KIF18A: variants seen among roughly 807,000 people sequenced by gnomAD.
The protein encoded by KIF18A is kinesin family member 18A, also known as kinesin-like protein KIF18A.
KIF18A carries 67 observed loss-of-function variants against 103.3 expected under a neutral mutation model. The ratio of observed to expected loss-of-function variants is 0.65; its 90% CI spans 0.53 to 0.79. The LOEUF (loss-of-function observed/expected upper bound fraction) is 0.79. Ranked by LOEUF, KIF18A falls within the 30% of genes least tolerant of loss-of-function variation. KIF18A has a pLI of 0.00. For synonymous variants in KIF18A, 367 were observed against 355.5 expected (o/e 1.03, Z -0.36); for missense variants, 1,032 against 1,062.5 (o/e 0.97, Z 0.40).
chr11:28,084,656 G>C lies in KIF18A; in HGVS notation c.1050C>G (p.Asn350Lys). 1 of 1,611,428 alleles carries C rather than the reference G, an allele frequency of 6.2e-7. No individual in the cohort carries two copies. The highest frequency in any genetic ancestry group is 8.5e-7 in the Non-Finnish European group (1 of 1,178,068). Residue 350 changes from asparagine to lysine, a missense_variant, in exon 7 of 17, where the codon AAC becomes AAG. Transcript: ENST00000263181. ...CAGAAGATTTAATGTCCTTTGCCCG[G>C]TTAGCATACTTAAGAGTGTTATATG... ...DDTYNTLKYA[N>K]RAKDIKSSLK...
chr11:28,077,101 T>C lies in KIF18A; in HGVS notation c.1331A>G (p.Glu444Gly), dbSNP rs754913152. ...AAGTTCATTTTCTTTAAGTAACATT[T>C]CCAACTTCAGATATTCTTGTCTAAT... The part of the protein sequence containing the change: ...EEIRQEYLKL[E>G]MLLKENELKS... The change falls in exon 10 of 17, where the codon GAA becomes GGA. Residue 444 changes from glutamate (E) to glycine (G), a missense_variant. Coordinates refer to ENST00000263181, the MANE Select transcript of KIF18A (RefSeq NM_031217.4). 7 of 1,578,518 alleles carry C rather than the reference T, an allele frequency of 4.4e-6. No individual in the cohort carries two copies. Among genetic ancestry groups the C allele is most frequent in the Non-Finnish European group, 6.0e-6 (7 of 1,167,938 alleles).
Position 28,095,023 on chromosome 11 carries a change from C to G in KIF18A, c.326-223G>C, listed in dbSNP as rs1339164145. On this transcript the variant is annotated intron_variant, in intron 2 of 16. Coordinates refer to ENST00000263181, the MANE Select transcript of KIF18A (RefSeq NM_031217.4). ...AATGGTATCACTACCCCCGGCCCCC[C>G]ACTCTAACAACTACTCTTTCAAAGC... Among the ~76,000 whole-genome samples the G allele has an allele frequency of 2.6e-5, 4 of 152,158 alleles. No homozygotes were observed. In the East Asian group the frequency reaches 5.8e-4, roughly 22 times the overall value.
rs1219403594 is a variant in KIF18A at position 28,035,506 on chromosome 11, T to G, written c.2397-12A>C. 7.1e-7 allele frequency: 1 copy of G among 1,417,466 alleles called. No individual in the cohort carries two copies. The highest frequency in any genetic ancestry group is 9.6e-7 in the Non-Finnish European group (1 of 1,042,898). The allele number at this position is 1,417,466 out of a possible 1,614,324, so 87.8% of individuals were successfully genotyped here. A position where few individuals can be genotyped will look rare whatever the true frequency, so the allele number is the denominator to read the frequency against. On this transcript the variant is annotated splice_polypyrimidine_tract_variant and intron_variant, in intron 14 of 16. Transcript: ENST00000263181. The stretch of plus-strand genomic sequence containing the variant: ...AAGAAGGATCAAGCCTGTATATTAA[T>G]AGTGACAAATAAAAAATAATAATTT...
chr11:28,029,082 C>G (rs1314572976), intron 15 of KIF18A, among the ~76,000 whole-genome samples: 1 of 152,132 alleles, frequency 6.6e-6, no homozygotes, highest in Non-Finnish European at 1.5e-5. Context: ...GGATTCACAG[C>G]TGAATTCTAC....
intron 1 of KIF18A, among the ~76,000 whole-genome samples, chr11:28,101,725 C>G (rs1851448104): frequency 6.6e-6 from 1 of 152,052 alleles, no homozygotes; most frequent in Admixed American, 6.5e-5. Flanking sequence ...TTGACACAAA[C>G]ATGTAAAGGT....
intron 12 of KIF18A, among the ~76,000 whole-genome samples, chr11:28,059,642 G>C (rs1211968067): frequency 1.3e-5 from 2 of 151,900 alleles, no homozygotes; most frequent in African/African-American, 4.8e-5. Context: ...ATGTTGTCCA[G>C]GTTGGTCTCA....
Position 28,085,480 on chromosome 11 carries a change from G to T in KIF18A, c.898-672C>A, listed in dbSNP as rs772877875. Among the ~76,000 whole-genome samples, 4 of 152,274 alleles carry T rather than the reference G, an allele frequency of 2.6e-5. No individual in the cohort carries two copies. The South Asian group carries it at 6.2e-4, about 24-fold the overall frequency. On this transcript the variant is annotated intron_variant, in intron 6 of 16. Transcript: ENST00000263181. ...AGTAGACAGCAACAGAAGAAATAGT[G>T]AAAGTCTTAAAGTCTTTGATCTTTC...
chr11:28,043,858 C>T (rs1850595574), intron 13 of KIF18A, among the ~76,000 whole-genome samples: 2 of 151,082 alleles, frequency 1.3e-5, no homozygotes, highest in African/African-American at 4.9e-5. Flanking sequence ...CCTTTTTATA[C>T]ATTTGATTAT....
At chr11:28,025,086 C>T (rs554073897) in intron 15 of KIF18A, among the ~76,000 whole-genome samples, 4 of 152,012 alleles carry the variant, frequency 2.6e-5, no homozygotes, top group African/African-American at 4.8e-5. Flanking sequence ...ATTAAAATAT[C>T]TTATTGTTCT....
At chr11:28,021,421 A>G in intron 16 of KIF18A, 139 bp from the exon 17 acceptor site, 3 of 756,232 alleles carry the variant, frequency 4.0e-6, no homozygotes, top group Non-Finnish European at 5.5e-6. Flanking sequence ...ACATAATTTA[A>G]AATATAACAA....
Position 28,091,439 on chromosome 11 carries a change from C to G in KIF18A, c.558G>C (p.Gly186=). The G allele has an allele frequency of 6.2e-7, 1 of 1,609,448 alleles. No individual in the cohort carries two copies. Among genetic ancestry groups the G allele is most frequent in the Non-Finnish European group, 8.5e-7 (1 of 1,176,204 alleles). The change falls in exon 4 of 17, where the codon GGG becomes GGC. Residue 186 remains glycine, a synonymous_variant. Transcript: ENST00000263181. ...GTAAAGTAAGTCCATGAACGACCAC[C>G]CCTTTTTGGGTATCTTCCCGGACAG... is the stretch of plus-strand genomic sequence containing the variant. ...PLAVREDTQK[G]VVVHGLTLHQ...
rs1054661171 is a variant in KIF18A at position 28,023,776 on chromosome 11, C to T, written c.2579G>A (p.Ser860Asn). The T allele has an allele frequency of 2.5e-6, 4 of 1,612,500 alleles. No individual in the cohort carries two copies. The African/African-American group carries it at 5.3e-5, about 22-fold the overall frequency. The change falls in exon 16 of 17, where the codon AGT (serine) becomes AAT (asparagine). Residue 860 changes from serine (S) to asparagine (N), a missense_variant. By Grantham distance (46) the Ser-to-Asn change is conservative. Transcript: ENST00000263181. ...FAKRVRQDNSSEKHLQENKPT... is the reference protein window; with the variant it reads ...FAKRVRQDNSNEKHLQENKPT... Reference sequence around the variant, plus strand: ...TTTGTTTTCTTGTAAGTGCTTCTCACTTGAATTATCTTGTCGAACACGTTT... The same window carrying T: ...TTTGTTTTCTTGTAAGTGCTTCTCATTTGAATTATCTTGTCGAACACGTTT...
At chr11:28,103,751 T>G (rs933470759) in intron 1 of KIF18A, among the ~76,000 whole-genome samples, 14 of 152,034 alleles carry the variant, frequency 9.2e-5, no homozygotes, top group African/African-American at 3.4e-4. Context: ...AGAAAATGTA[T>G]ATCTCCAAGA....
At position 28,106,816 on chromosome 11, in the gene KIF18A, C is replaced by T. The variant is rs183933303; in HGVS notation, c.-47+1248G>A. Among the ~76,000 whole-genome samples the T allele has an allele frequency of 3.4e-3, 512 of 151,966 alleles. 2 individuals are homozygous for T. Among genetic ancestry groups the T allele is most frequent in the African/African-American group, 0.011 (470 of 41,454 alleles). The stretch of plus-strand genomic sequence containing the variant: ...TGAATCCCCGTCTCTACCAAAGATA[C>T]AAAAATTAGCCGAGTGTGGTGGCAA... On this transcript the variant is annotated intron_variant, in intron 1 of 16. Coordinates refer to ENST00000263181, the MANE Select transcript of KIF18A (RefSeq NM_031217.4).
intron 13 of KIF18A, among the ~76,000 whole-genome samples, chr11:28,037,101 G>A (rs1200507862): frequency 4.0e-5 from 6 of 151,406 alleles, no homozygotes; most frequent in African/African-American, 1.5e-4. Context: ...GTTTTGCCTT[G>A]TTTTTTAGAT....
intron 11 of KIF18A, among the ~76,000 whole-genome samples, chr11:28,067,559 T>C (rs924975658): frequency 1.3e-5 from 2 of 152,166 alleles, no homozygotes; most frequent in African/African-American, 4.8e-5. Context: ...ACTAGTATCT[T>C]TGAATTATAA....
intron 10 of KIF18A, among the ~76,000 whole-genome samples, chr11:28,075,942 T>A (rs1842523428): frequency 6.6e-6 from 1 of 151,922 alleles, no homozygotes; most frequent in African/African-American, 2.4e-5. Flanking sequence ...TTCAAATGAC[T>A]TTTTTTTCTT....
At position 28,036,462 on chromosome 11, in the gene KIF18A, C is replaced by A. The variant is rs575102434; in HGVS notation, c.2151G>T (p.Pro717=). 2 of 1,610,870 alleles carry A rather than the reference C, an allele frequency of 1.2e-6. No homozygotes were observed. Among genetic ancestry groups the A allele is most frequent in the Admixed American group, 1.7e-5 (1 of 59,690 alleles). The change falls in exon 14 of 17, where the codon CCG becomes CCT. Residue 717 remains proline, a synonymous_variant. Coordinates refer to ENST00000263181, the MANE Select transcript of KIF18A (RefSeq NM_031217.4). The part of the protein sequence containing the change: ...PEDCRKAFQN[P]STVTLMKPSS... ...ATGGTTTCATTAAGGTTACTGTAGACGGATTTTGAAAAGCTTTTCTACAGT... is the reference window on the plus strand; with the variant it reads ...ATGGTTTCATTAAGGTTACTGTAGAAGGATTTTGAAAAGCTTTTCTACAGT...
intron 15 of KIF18A, 30 bp from the exon 16 acceptor site, chr11:28,023,880 A>C: frequency 7.5e-7 from 1 of 1,341,734 alleles, no homozygotes; most frequent in Non-Finnish European, 1.1e-6. Flanking sequence ...AATTTAGTTA[A>C]GCATTTTTTT....
Sources: gnomAD v4.1 joint callset for allele counts (sites outside exome capture counted in the v4.1 genomes callset) on GRCh38, gnomAD v4.1.1 for gene constraint, MANE v1.5 for transcripts, NCBI Gene and HGNC (gene_info 2026-07-23, HGNC 2026-07-21) for gene names.